ROBO1: variants seen among roughly 807,000 people sequenced by gnomAD.
ROBO1 encodes roundabout guidance receptor 1, also known as roundabout homolog 1.
A neutral mutation model predicts 195.9 loss-of-function variants in ROBO1; 149 were observed. The ratio of observed to expected loss-of-function variants is 0.76; its 90% CI spans 0.67 to 0.87. The LOEUF (loss-of-function observed/expected upper bound fraction) is 0.87, where lower values mean the gene tolerates loss of function less well. ROBO1 is among the 40% of genes least tolerant of loss of function. The pLI, the probability that ROBO1 is intolerant of heterozygous loss-of-function variation, is 0.00. For synonymous variants in ROBO1, 816 were observed against 733.2 expected, an observed-to-expected ratio of 1.11 and a Z score of -1.82; for missense variants, 1,933 against 2,068.3, an observed-to-expected ratio of 0.93 and a Z score of 1.27.
At chr3:78,799,554 G>C (rs531976364) in intron 4 of ROBO1, among the ~76,000 whole-genome samples, 7 of 152,054 alleles carry the variant, frequency 4.6e-5, no homozygotes, top group Non-Finnish European at 1.0e-4. Flanking sequence ...TGTTAGCCAG[G>C]ATGGTCTCGA....
intron 2 of ROBO1, among the ~76,000 whole-genome samples, chr3:79,131,441 T>C (rs1477671268): frequency 2.0e-4 from 2 of 10,008 alleles, no homozygotes; most frequent in Non-Finnish European, 4.9e-3. Context: ...ATGTATCCAT[T>C]TCTTCTAGAT....
At position 78,617,769 on chromosome 3, in the gene ROBO1, ATGT is replaced by A. The variant is rs762388553; in HGVS notation, c.4145_4147del (p.Asn1382del). 1.2e-5 allele frequency: 19 copies of A among 1,613,928 alleles called. No individual in the cohort carries two copies. The South Asian group carries it at 1.8e-4, about 15-fold the overall frequency. The stretch of plus-strand genomic sequence containing the variant: ...ACTAACACTGGAGCGTCCGCTGGAA[ATGT>A]TGTCCTCCTCTGAGGCTGAGCCCCA... On this transcript the variant is annotated inframe_deletion, in exon 27 of 31. Transcript: ENST00000464233.
chr3:79,121,272 A>C (rs1483109953), intron 3 of ROBO1, among the ~76,000 whole-genome samples: 1 of 152,102 alleles, frequency 6.6e-6, no homozygotes, highest in African/African-American at 2.4e-5. Context: ...CTTAGTTTGA[A>C]TGGTGAAGCA....
chr3:79,377,320 A>G (rs955051011), intron 2 of ROBO1, among the ~76,000 whole-genome samples: 3 of 152,236 alleles, frequency 2.0e-5, no homozygotes, highest in Non-Finnish European at 2.9e-5. Context: ...TAAAAATTTA[A>G]CAGCTTTTCT....
intron 3 of ROBO1, among the ~76,000 whole-genome samples, chr3:78,968,716 AC>A (rs1234276076): frequency 6.6e-6 from 1 of 152,168 alleles, no homozygotes; most frequent in African/African-American, 2.4e-5. Context: ...CAATTCAATA[AC>A]AATACAAATA....
intron 3 of ROBO1, among the ~76,000 whole-genome samples, chr3:78,993,674 T>G (rs1057008267): frequency 1.3e-5 from 2 of 152,108 alleles, no homozygotes; most frequent in African/African-American, 4.8e-5. Flanking sequence ...GGTGGCTGTG[T>G]TTTTTGAAGG....
At chr3:79,646,535 A>G (rs1031031700) in intron 1 of ROBO1, among the ~76,000 whole-genome samples, 1 of 152,168 alleles carries the variant, frequency 6.6e-6, no homozygotes, top group Non-Finnish European at 1.5e-5. Context: ...CATATGATCC[A>G]GCAATTACAC....
At position 78,597,298 on chromosome 3, in the gene ROBO1, T is replaced by A. The variant is rs1033188579; in HGVS notation, c.*1615A>T. Reference sequence around the variant, plus strand: ...AAAATTACTTTTCTGATTATTGGATTTTCAGTATGCAAAATTATGGCTAAA... The same window carrying A: ...AAAATTACTTTTCTGATTATTGGATATTCAGTATGCAAAATTATGGCTAAA... On this transcript the variant is annotated 3_prime_UTR_variant, in exon 31 of 31. Coordinates refer to ENST00000464233, the MANE Select transcript of ROBO1 (RefSeq NM_002941.4). 2.0e-5 allele frequency: 3 copies of A among 152,594 alleles called. No homozygotes were observed. Among genetic ancestry groups the A allele is most frequent in the African/African-American group, 7.2e-5 (3 of 41,460 alleles). 9.5% of individuals were successfully genotyped at this position (152,594 alleles called of 1,614,324 possible).
chr3:79,035,074 T>C (rs541992232), intron 3 of ROBO1, among the ~76,000 whole-genome samples: 3 of 152,234 alleles, frequency 2.0e-5, no homozygotes, highest in African/African-American at 7.2e-5. Flanking sequence ...TACACCAAAA[T>C]AGCAATCGTT....
At chr3:79,628,576 C>T (rs772977965) in intron 1 of ROBO1, among the ~76,000 whole-genome samples, 11 of 152,028 alleles carry the variant, frequency 7.2e-5, no homozygotes, top group African/African-American at 2.4e-4. Context: ...CAAACCTGTA[C>T]GTTCTGCACA....
At chr3:79,124,668 T>C (rs1206761680) in intron 3 of ROBO1, among the ~76,000 whole-genome samples, 1 of 152,130 alleles carries the variant, frequency 6.6e-6, no homozygotes, top group African/African-American at 2.4e-5. Context: ...ACATTACAAA[T>C]AGCTGATCTT....
At chr3:79,174,855 C>CAA (rs796987730) in intron 2 of ROBO1, among the ~76,000 whole-genome samples, 5 of 74,448 alleles carry the variant, frequency 6.7e-5, no homozygotes, top group Non-Finnish European at 1.5e-4. Flanking sequence ...GACTCCGCCT[C>CAA]AAAAAAAAAA....
chr3:79,077,331 A>T (rs989573891), intron 3 of ROBO1, among the ~76,000 whole-genome samples: 1 of 151,914 alleles, frequency 6.6e-6, no homozygotes, highest in Admixed American at 6.6e-5. Context: ...AATAAAATTG[A>T]AAATGTGGAA....
At chr3:79,206,158 T>C (rs2081861853) in intron 2 of ROBO1, among the ~76,000 whole-genome samples, 1 of 152,180 alleles carries the variant, frequency 6.6e-6, no homozygotes, top group Non-Finnish European at 1.5e-5. Context: ...AATCATCCCT[T>C]TGTCCAGAGT....
At chr3:79,629,599 T>C (rs535115609) in intron 1 of ROBO1, among the ~76,000 whole-genome samples, 2 of 151,060 alleles carry the variant, frequency 1.3e-5, no homozygotes, top group African/African-American at 4.9e-5. Flanking sequence ...AAACAAGAAC[T>C]AAACCAACCC....
chr3:78,887,260 T>C (rs1378141064), intron 4 of ROBO1, among the ~76,000 whole-genome samples: 1 of 151,980 alleles, frequency 6.6e-6, no homozygotes, highest in East Asian at 1.9e-4. Flanking sequence ...GCATGAAAAA[T>C]TTGCACCATC....
At chr3:79,537,351 T>C (rs953357303) in intron 2 of ROBO1, among the ~76,000 whole-genome samples, 5 of 152,106 alleles carry the variant, frequency 3.3e-5, no homozygotes, top group Admixed American at 6.6e-5. Context: ...CATGGGAACG[T>C]GCAGGAAGTT....
chr3:79,570,307 T>C (rs1227966245), intron 2 of ROBO1, among the ~76,000 whole-genome samples: 1 of 152,118 alleles, frequency 6.6e-6, no homozygotes, highest in Admixed American at 6.6e-5. Context: ...AAAACTGTTT[T>C]CTAATTGCAG....
At chr3:79,551,715 C>T (rs2107676364) in intron 2 of ROBO1, among the ~76,000 whole-genome samples, 1 of 151,712 alleles carries the variant, frequency 6.6e-6, no homozygotes, top group East Asian at 1.9e-4. Context: ...ACTGTGATAT[C>T]CCTGGGGTGG....
Sources: allele counts gnomAD v4.1 joint callset (sites outside exome capture counted in the v4.1 genomes callset), GRCh38; gene constraint gnomAD v4.1.1; transcripts MANE v1.5; gene names NCBI Gene and HGNC (gene_info 2026-07-23, HGNC 2026-07-21).